The following BMPER variants were observed in gnomAD, a reference collection of about 807,000 sequenced individuals.
BMPER encodes BMP binding endothelial regulator, also known as BMP-binding endothelial regulator protein.
BMPER carries 45 observed loss-of-function variants against 87.3 expected under a neutral mutation model. The ratio of observed to expected loss-of-function variants is 0.52; its 90% CI spans 0.41 to 0.66. BMPER has a LOEUF of 0.66. Among genes scored for constraint, BMPER ranks in the 30% least tolerant of loss-of-function variants. The probability of loss-of-function intolerance (pLI) is 0.00; values close to 1 mark genes in which losing one functional copy is unlikely to be tolerated. For missense variants in BMPER, 784 were observed against 867.5 expected (o/e 0.90, Z 1.21); for synonymous variants, 326 against 316.2 (o/e 1.03, Z -0.33).
chr7:34,057,076 C>T, intron 9 of BMPER, among the ~76,000 whole-genome samples: 1 of 152,100 alleles, frequency 6.6e-6, no homozygotes, highest in East Asian at 1.9e-4. Context: ...TTGAAAGGCA[C>T]TAGAGGGTAG....
chr7:33,989,408 T>C (rs988219933), intron 6 of BMPER, among the ~76,000 whole-genome samples: 13 of 152,194 alleles, frequency 8.5e-5, no homozygotes, highest in African/African-American at 3.1e-4. Flanking sequence ...GCTGCATAAA[T>C]GTCTTCTTTT....
At chr7:34,114,101 G>A (rs919276570) in intron 13 of BMPER, among the ~76,000 whole-genome samples, 4 of 152,148 alleles carry the variant, frequency 2.6e-5, no homozygotes, top group Admixed American at 2.6e-4. Flanking sequence ...TTAGGCAGCT[G>A]TCTTCATGTG....
At chr7:34,119,481 T>C (rs1194734918) in intron 13 of BMPER, among the ~76,000 whole-genome samples, 1 of 152,224 alleles carries the variant, frequency 6.6e-6, no homozygotes, top group East Asian at 1.9e-4. Flanking sequence ...TCATGTTCTC[T>C]ACTGTTGGAC....
At chr7:34,072,269 A>C (rs908705349) in intron 11 of BMPER, among the ~76,000 whole-genome samples, 3 of 152,148 alleles carry the variant, frequency 2.0e-5, no homozygotes, top group Non-Finnish European at 2.9e-5. Flanking sequence ...TAAGTGTACT[A>C]GTTACCTATG....
chr7:34,122,401 G>A (rs1426757190), intron 13 of BMPER, among the ~76,000 whole-genome samples: 2 of 152,152 alleles, frequency 1.3e-5, no homozygotes, highest in Admixed American at 6.5e-5. Flanking sequence ...AACAGAATGC[G>A]GCTCAATAGG....
intron 6 of BMPER, among the ~76,000 whole-genome samples, chr7:33,988,759 T>C (rs1585709444): frequency 1.2e-5 from 1 of 86,058 alleles, no homozygotes; most frequent in Non-Finnish European, 2.2e-5. Context: ...ATGCTATCCC[T>C]CCCCCCTCCC....
chr7:33,941,306 G>GT (rs966764209), intron 3 of BMPER, among the ~76,000 whole-genome samples: 2 of 149,958 alleles, frequency 1.3e-5, no homozygotes, highest in East Asian at 3.9e-4. Flanking sequence ...ATGGAGCCTC[G>GT]TTTTTTCAGA....
At chr7:34,129,958 A>G (rs1246000856) in intron 13 of BMPER, among the ~76,000 whole-genome samples, 1 of 152,180 alleles carries the variant, frequency 6.6e-6, no homozygotes, top group African/African-American at 2.4e-5. Context: ...TATGAATATA[A>G]GGACTTCTAC....
chr7:34,027,542 C>G (rs966029660), intron 6 of BMPER, among the ~76,000 whole-genome samples: 7 of 152,048 alleles, frequency 4.6e-5, no homozygotes, highest in African/African-American at 1.7e-4. Context: ...CAGTGAATAT[C>G]TAGAGGAAAA....
intron 6 of BMPER, among the ~76,000 whole-genome samples, chr7:33,988,210 T>C (rs1051496252): frequency 2.0e-5 from 3 of 152,096 alleles, no homozygotes; most frequent in African/African-American, 7.2e-5. Context: ...TCCCCACCAG[T>C]TGGGGTGATG....
At chr7:33,952,339 G>A (rs1785046943) in intron 3 of BMPER, among the ~76,000 whole-genome samples, 1 of 152,104 alleles carries the variant, frequency 6.6e-6, no homozygotes, top group East Asian at 1.9e-4. Flanking sequence ...CTGTCTTATA[G>A]TATATTTCAC....
chr7:34,012,173 TAGC>T (rs1406244810), intron 6 of BMPER, among the ~76,000 whole-genome samples: 3 of 151,966 alleles, frequency 2.0e-5, no homozygotes, highest in African/African-American at 4.8e-5. Flanking sequence ...GCTAAAAAGA[TAGC>T]AGAGGCTAAA....
chr7:33,988,056 A>G (rs1318592724), intron 6 of BMPER, among the ~76,000 whole-genome samples: 2 of 152,222 alleles, frequency 1.3e-5, no homozygotes. Context: ...TTTTAATTTC[A>G]AAACGAATAT....
intron 10 of BMPER, among the ~76,000 whole-genome samples, chr7:34,061,562 G>A (rs1788435715): frequency 6.6e-6 from 1 of 152,116 alleles, no homozygotes; most frequent in Non-Finnish European, 1.5e-5. Flanking sequence ...ACAGTTTATT[G>A]TTTAAGCTTC....
At chr7:34,049,486 C>T (rs17169632) in intron 7 of BMPER, among the ~76,000 whole-genome samples, 334 of 152,046 alleles carry the variant, frequency 2.2e-3, no homozygotes, top group African/African-American at 7.6e-3. Flanking sequence ...CAATATTGCC[C>T]GCTATAATGG....
intron 2 of BMPER, among the ~76,000 whole-genome samples, chr7:33,935,995 G>A (rs112479904): frequency 0.012 from 1,778 of 152,090 alleles, 34 homozygotes; most frequent in African/African-American, 0.041. Flanking sequence ...AACCCTCCCC[G>A]TAGAACTCAC....
chr7:34,059,054 CT>C (rs1481530036), intron 10 of BMPER, among the ~76,000 whole-genome samples: 1 of 151,066 alleles, frequency 6.6e-6, no homozygotes, highest in Non-Finnish European at 1.5e-5. Flanking sequence ...ATTAGTCTTG[CT>C]TTAAAAAGCC....
chr7:34,000,590 G>C (rs751329354), intron 6 of BMPER, among the ~76,000 whole-genome samples: 1 of 151,964 alleles, frequency 6.6e-6, no homozygotes, highest in Non-Finnish European at 1.5e-5. Flanking sequence ...CTCTCTTTCT[G>C]TCTCTCTCTC....
intron 6 of BMPER, among the ~76,000 whole-genome samples, chr7:34,021,527 A>G (rs559429791): frequency 1.8e-4 from 27 of 152,136 alleles, no homozygotes; most frequent in Admixed American, 3.9e-4. Flanking sequence ...AGATGAGGCA[A>G]TTGTACCTAT....
Sources: allele counts gnomAD v4.1 joint callset (sites outside exome capture counted in the v4.1 genomes callset), GRCh38; gene constraint gnomAD v4.1.1; transcripts MANE v1.5; gene names NCBI Gene and HGNC (gene_info 2026-07-23, HGNC 2026-07-21).